The following TET3 variants were observed in gnomAD, a reference collection of about 807,000 sequenced individuals.
TET3 encodes the protein tet methylcytosine dioxygenase 3.
A neutral mutation model predicts 141.4 loss-of-function variants in TET3; 19 were observed. The ratio of observed to expected loss-of-function variants is 0.13; its 90% confidence interval spans 0.09 to 0.20. TET3 has a LOEUF of 0.20. Among genes scored for constraint, TET3 ranks in the 10% least tolerant of loss-of-function variants. The probability of loss-of-function intolerance (pLI) is 1.00; values close to 1 mark genes in which losing one functional copy is unlikely to be tolerated. For missense variants in TET3, 1,874 were observed against 2,356.9 expected, an observed-to-expected ratio of 0.80 and a Z score of 4.24; for synonymous variants, 1,043 against 980.9, an observed-to-expected ratio of 1.06 and a Z score of -1.18.
At chr2:74,089,494 A>G (rs1690353905) in intron 7 of TET3, among the ~76,000 whole-genome samples, 1 of 152,216 alleles carries the variant, frequency 6.6e-6, no homozygotes, top group South Asian at 2.1e-4. Flanking sequence ...CATCTGGGCT[A>G]TAGGAAATAG....
intron 4 of TET3, among the ~76,000 whole-genome samples, chr2:74,068,300 C>A (rs1285738213): frequency 1.3e-5 from 2 of 151,586 alleles, no homozygotes; most frequent in African/African-American, 4.9e-5. Flanking sequence ...TATGCTTGTA[C>A]GTGTGTGTAT....
chr2:74,018,001 C>G (rs1181167656), intron 3 of TET3, among the ~76,000 whole-genome samples: 3 of 106,396 alleles, frequency 2.8e-5, no homozygotes, highest in African/African-American at 3.9e-5. Context: ...GAGTTTTGCT[C>G]TTGTCGCCCA....
intron 2 of TET3, among the ~76,000 whole-genome samples, chr2:73,999,908 A>G (rs1413412212): frequency 6.6e-6 from 1 of 151,818 alleles, no homozygotes; most frequent in Non-Finnish European, 1.5e-5. Flanking sequence ...TGAGATGGGG[A>G]TGGGAGCAGA....
intron 3 of TET3, among the ~76,000 whole-genome samples, chr2:74,041,992 C>G (rs1687365328): frequency 6.6e-6 from 1 of 152,198 alleles, no homozygotes; most frequent in Non-Finnish European, 1.5e-5. Context: ...TTTTCAACAT[C>G]TACTTATTTA....
chr2:74,028,901 T>G (rs146272262), intron 3 of TET3, among the ~76,000 whole-genome samples: 11 of 152,354 alleles, frequency 7.2e-5, no homozygotes, highest in Non-Finnish European at 1.5e-4. Flanking sequence ...CTAATGGAGA[T>G]AGCAGAATAG....
chr2:74,004,568 C>T (rs1685052983), intron 3 of TET3, among the ~76,000 whole-genome samples: 1 of 152,152 alleles, frequency 6.6e-6, no homozygotes, highest in South Asian at 2.1e-4. Context: ...GGAGCAGCTT[C>T]TGGGAAGGAG....
At chr2:74,005,043 G>A (rs1397464038) in intron 3 of TET3, among the ~76,000 whole-genome samples, 1 of 152,174 alleles carries the variant, frequency 6.6e-6, no homozygotes, top group Non-Finnish European at 1.5e-5. Context: ...GAAAGGACGG[G>A]CTGGCAGGTT....
At chr2:74,116,245 T>C in the TET3 span, among the ~76,000 whole-genome samples, 3 of 152,164 alleles carry the variant, frequency 2.0e-5, no homozygotes, top group South Asian at 2.1e-4. Flanking sequence ...GGAACTCTTA[T>C]ACAATGTTGG....
At chr2:74,027,691 A>G (rs891031100) in intron 3 of TET3, among the ~76,000 whole-genome samples, 7 of 152,236 alleles carry the variant, frequency 4.6e-5, no homozygotes, top group Non-Finnish European at 8.8e-5. Flanking sequence ...GCCTGTGTCA[A>G]TACTTTATTC....
At position 74,080,708 on chromosome 2, in the gene TET3, G is replaced by GA. The variant is rs1314690847; in HGVS notation, c.2679+117_2679+118insA. The GA allele has an allele frequency of 1.5e-5, 5 of 339,908 alleles. 1 individual carries two copies. Among genetic ancestry groups the GA allele is most frequent in the South Asian group, 2.7e-5 (1 of 37,036 alleles). The allele number at this position is 339,908 out of a possible 1,614,324, so 21.1% of individuals were successfully genotyped here. The stretch of plus-strand genomic sequence containing the variant: ...GCTGAGCAGGCGAGGGCGGGGGGTG[G>GA]GGCCAGGTGGGTGTGTAGGAGACAA... On this transcript the variant is annotated intron_variant, in intron 6 of 11. Transcript: ENST00000409262.
At position 73,986,651 on chromosome 2, in the gene TET3, T is replaced by C. The variant is rs1684042095; in HGVS notation, c.248T>C (p.Ile83Thr). Residue 83 changes from isoleucine to threonine, a missense_variant, in exon 2 of 12, where the codon ATC (isoleucine) becomes ACC (threonine). By Grantham distance (89) the Ile-to-Thr change is moderately conservative (BLOSUM62 -1). This residue lies in a region of TET3 where 366 missense variants were observed against 487.0 expected (regional missense o/e 0.75). Coordinates refer to ENST00000409262, the MANE Select transcript of TET3 (RefSeq NM_001287491.2). ...TSCTNRRTHQ[I>T]CKLRKCEVLK... Reference sequence around the variant, plus strand: ...TGTACCAACCGCCGCACGCACCAGATCTGCAAACTGCGAAAATGTGAGGTG... The same window carrying C: ...TGTACCAACCGCCGCACGCACCAGACCTGCAAACTGCGAAAATGTGAGGTG... The C allele has an allele frequency of 8.1e-7, 1 of 1,231,996 alleles. No individual in the cohort carries two copies. Among genetic ancestry groups the C allele is most frequent in the African/African-American group, 1.6e-5 (1 of 64,414 alleles). 76.3% of individuals were successfully genotyped at this position (1,231,996 alleles called of 1,614,324 possible). A position where few individuals can be genotyped will look rare whatever the true frequency, so the allele number is the denominator to read the frequency against.
At chr2:74,084,229 C>T (rs573331218) in intron 6 of TET3, among the ~76,000 whole-genome samples, 6 of 152,322 alleles carry the variant, frequency 3.9e-5, no homozygotes, top group Non-Finnish European at 7.4e-5. Flanking sequence ...CCGGCACATG[C>T]TACAACATGG....
intron 2 of TET3, among the ~76,000 whole-genome samples, chr2:73,987,879 G>A (rs1383591614): frequency 2.6e-5 from 4 of 152,206 alleles, no homozygotes; most frequent in African/African-American, 7.2e-5. Context: ...TTCCCTGACC[G>A]CTGAGTGCAG....
At chr2:74,120,260 ACT>A in the TET3 span, among the ~76,000 whole-genome samples, 6 of 152,042 alleles carry the variant, frequency 3.9e-5, no homozygotes, top group Admixed American at 2.0e-4. Context: ...CAGGCTGCAA[ACT>A]CCGCCTCCGG....
chr2:74,063,083 C>T (rs1688685386), intron 4 of TET3, among the ~76,000 whole-genome samples: 1 of 151,914 alleles, frequency 6.6e-6, no homozygotes, highest in Admixed American at 6.6e-5. Context: ...GAGGTTTCAC[C>T]ATGTTGACCA....
intron 3 of TET3, among the ~76,000 whole-genome samples, chr2:74,026,230 G>A (rs543425476): frequency 1.1e-4 from 16 of 151,984 alleles, no homozygotes; most frequent in African/African-American, 3.4e-4. Flanking sequence ...CTTTGACACT[G>A]GTCTGCCACT....
At chr2:74,073,523 A>T in intron 4 of TET3, 26 bp from the exon 5 acceptor site, 2 of 1,551,010 alleles carry the variant, frequency 1.3e-6, no homozygotes, top group South Asian at 1.2e-5. Flanking sequence ...ATATTCCAAA[A>T]ATGTTTACTC....
At chr2:74,007,099 T>C (rs757368791) in intron 3 of TET3, among the ~76,000 whole-genome samples, 2 of 152,280 alleles carry the variant, frequency 1.3e-5, no homozygotes, top group Admixed American at 6.5e-5. Flanking sequence ...CACAAAACCA[T>C]TGGAAGTAAG....
chr2:74,035,557 T>G (rs1298501507), intron 3 of TET3, among the ~76,000 whole-genome samples: 1 of 150,230 alleles, frequency 6.7e-6, no homozygotes, highest in Non-Finnish European at 1.5e-5. Flanking sequence ...TGAAACCCTG[T>G]CTCTACTAAA....
Sources: gnomAD v4.1 joint callset for allele counts (sites outside exome capture counted in the v4.1 genomes callset) on GRCh38, gnomAD v4.1.1 for gene constraint, gnomAD v4.1.1 regional missense constraint, MANE v1.5 for transcripts, NCBI Gene and HGNC (gene_info 2026-07-23, HGNC 2026-07-21) for gene names.